The following ADGRB3 variants were observed in gnomAD, a reference collection of about 807,000 sequenced individuals.
ADGRB3 encodes adhesion G protein-coupled receptor B3.
A neutral mutation model predicts 193.4 loss-of-function variants in ADGRB3; 37 were observed. The ratio of observed to expected loss-of-function variants is 0.19; its 90% CI spans 0.15 to 0.25. The LOEUF (loss-of-function observed/expected upper bound fraction) is 0.25, where lower values mean the gene tolerates loss of function less well. ADGRB3 is among the 10% of genes least tolerant of loss of function. ADGRB3 has a pLI of 1.00. For synonymous variants in ADGRB3, 690 were observed against 644.2 expected (o/e 1.07, Z -1.08); for missense variants, 1,637 against 1,852.9 (o/e 0.88, Z 2.14).
At chr6:68,963,047 G>A (rs1267240549) in intron 8 of ADGRB3, among the ~76,000 whole-genome samples, 1 of 152,100 alleles carries the variant, frequency 6.6e-6, no homozygotes, top group African/African-American at 2.4e-5. Flanking sequence ...GTGTCATCTG[G>A]AGTGATTCCT....
intron 3 of ADGRB3, among the ~76,000 whole-genome samples, chr6:68,780,888 G>C (rs1351204784): frequency 6.6e-6 from 1 of 151,964 alleles, no homozygotes; most frequent in Non-Finnish European, 1.5e-5. Flanking sequence ...CAATTATGTA[G>C]CTTCTTAAAA....
chr6:68,973,639 C>T (rs1031017247), intron 8 of ADGRB3, among the ~76,000 whole-genome samples: 8 of 152,084 alleles, frequency 5.3e-5, no homozygotes, highest in Non-Finnish European at 1.2e-4. Context: ...AACATATATT[C>T]ATTTATTTAT....
At chr6:68,675,695 C>T (rs1449957105) in intron 3 of ADGRB3, among the ~76,000 whole-genome samples, 2 of 152,136 alleles carry the variant, frequency 1.3e-5, no homozygotes, top group Non-Finnish European at 2.9e-5. Flanking sequence ...GAGTTTTCAT[C>T]GCCAGGGCAC....
intron 17 of ADGRB3, among the ~76,000 whole-genome samples, chr6:69,094,183 G>A (rs1772797597): frequency 6.6e-6 from 1 of 152,146 alleles, no homozygotes; most frequent in South Asian, 2.1e-4. Flanking sequence ...GAGGGAAGGA[G>A]AAAAGTTGAG....
Position 69,100,219 on chromosome 6 carries a change from C to G in ADGRB3, c.2480+24181C>G, listed in dbSNP as rs537989900. Among the ~76,000 whole-genome samples the G allele has an allele frequency of 5.3e-5, 8 of 152,234 alleles. No homozygotes were observed. The South Asian group carries it at 1.7e-3, about 32-fold the overall frequency. On this transcript the variant is annotated intron_variant, in intron 17 of 31. Coordinates refer to ENST00000370598, the MANE Select transcript of ADGRB3 (RefSeq NM_001704.3). ...TTTCTGTAAATCATTCGGTCTACAT[C>G]TATAACTTTTAAATATATTTTATAT...
rs563270311 is a variant in ADGRB3, at chr6:68,795,080, C to G, written c.758-135479C>G. On this transcript the variant is annotated intron_variant, in intron 3 of 31. Coordinates refer to ENST00000370598, the MANE Select transcript of ADGRB3 (RefSeq NM_001704.3). ...ACACAGGAGAGCCCAAGTAATGAGG[C>G]TTTTAATTAAAACTTACATTAAAGT... 3.9e-5 allele frequency among the ~76,000 whole-genome samples: 6 copies of G among 152,036 alleles called. No individual in the cohort carries two copies. In the East Asian group the frequency reaches 1.2e-3, roughly 29 times the overall value.
chr6:69,362,728 G>A (rs779939856), intron 29 of ADGRB3, among the ~76,000 whole-genome samples: 3 of 151,898 alleles, frequency 2.0e-5, no homozygotes, highest in Non-Finnish European at 2.9e-5. Context: ...TCAACTCCAG[G>A]GTGACTGAAG....
At chr6:69,307,905 G>A (rs1051386341) in intron 20 of ADGRB3, among the ~76,000 whole-genome samples, 3 of 151,392 alleles carry the variant, frequency 2.0e-5, no homozygotes, top group Non-Finnish European at 4.4e-5. Flanking sequence ...TTCGATTCAA[G>A]TTATGTATTA....
chr6:69,245,533 G>A (rs1299813889), intron 20 of ADGRB3, among the ~76,000 whole-genome samples: 2 of 151,974 alleles, frequency 1.3e-5, no homozygotes, highest in Non-Finnish European at 2.9e-5. Flanking sequence ...TCTCCATACT[G>A]TTTCTATTTT....
At chr6:69,070,102 A>G (rs1160736485) in intron 16 of ADGRB3, among the ~76,000 whole-genome samples, 1 of 152,154 alleles carries the variant, frequency 6.6e-6, no homozygotes, top group East Asian at 1.9e-4. Context: ...GAAATGTTCA[A>G]ATAATTATGA....
chr6:69,098,540 C>A (rs1582458978), intron 17 of ADGRB3, among the ~76,000 whole-genome samples: 1 of 152,070 alleles, frequency 6.6e-6, no homozygotes, highest in African/African-American at 2.4e-5. Context: ...ATGAAACTTA[C>A]AATTATGGCA....
intron 26 of ADGRB3, among the ~76,000 whole-genome samples, chr6:69,349,279 C>T (rs1489623133): frequency 6.6e-6 from 1 of 152,134 alleles, no homozygotes. Context: ...TTTAGAGAAG[C>T]TTATATGACC....
At chr6:68,815,232 G>C (rs1469664809) in intron 3 of ADGRB3, among the ~76,000 whole-genome samples, 1 of 152,108 alleles carries the variant, frequency 6.6e-6, no homozygotes, top group Non-Finnish European at 1.5e-5. Context: ...TCAATGGGGA[G>C]TTTAAATAAG....
intron 3 of ADGRB3, among the ~76,000 whole-genome samples, chr6:68,863,781 G>A: frequency 6.6e-6 from 1 of 152,008 alleles, no homozygotes; most frequent in Non-Finnish European, 1.5e-5. Context: ...GCCTTACTTA[G>A]GCTCTCTCAA....
chr6:68,685,895 A>AAT (rs1054073730), intron 3 of ADGRB3, among the ~76,000 whole-genome samples: 22 of 152,182 alleles, frequency 1.4e-4, no homozygotes, highest in Middle Eastern at 3.4e-3. Flanking sequence ...TCTGTCTCAA[A>AAT]ATATATATAT....
chr6:68,752,275 CTTTT>C (rs66760335), intron 3 of ADGRB3, among the ~76,000 whole-genome samples: 2 of 129,282 alleles, frequency 1.5e-5, no homozygotes, highest in Admixed American at 8.0e-5. Context: ...GCAGAATATT[CTTTT>C]TTTTTTTTTT....
At chr6:69,089,968 C>T (rs1202356585) in intron 17 of ADGRB3, among the ~76,000 whole-genome samples, 1 of 152,158 alleles carries the variant, frequency 6.6e-6, no homozygotes, top group African/African-American at 2.4e-5. Context: ...CAAATTTTTG[C>T]CCCCAACTTA....
Position 69,122,758 on chromosome 6 carries a change from T to C in ADGRB3, c.2480+46720T>C, listed in dbSNP as rs1243117253. On this transcript the variant is annotated intron_variant, in intron 17 of 31. Coordinates refer to ENST00000370598, the MANE Select transcript of ADGRB3 (RefSeq NM_001704.3). The stretch of plus-strand genomic sequence containing the variant: ...ATTTTTTCAGCAAAAATATATATTT[T>C]TGCTAAAACATGGCCAAGAGGAGGC... Among the ~76,000 whole-genome samples, 3 of 151,962 alleles carry C rather than the reference T, an allele frequency of 2.0e-5. No individual in the cohort carries two copies. The East Asian group carries it at 5.8e-4, about 30-fold the overall frequency.
chr6:68,867,422 T>C (rs1189714007), intron 3 of ADGRB3, among the ~76,000 whole-genome samples: 1 of 152,186 alleles, frequency 6.6e-6, no homozygotes, highest in Non-Finnish European at 1.5e-5. Flanking sequence ...TGGAAACACC[T>C]GGATATCCAG....
Sources: allele counts gnomAD v4.1 joint callset (sites outside exome capture counted in the v4.1 genomes callset), GRCh38; gene constraint gnomAD v4.1.1; transcripts MANE v1.5; gene names NCBI Gene and HGNC (gene_info 2026-07-23, HGNC 2026-07-21).